The following ZNF550 variants were observed in gnomAD, a reference collection of about 807,000 sequenced individuals.
ZNF550 encodes the protein zinc finger protein 550.
ZNF550 carries 42 observed loss-of-function variants against 40.2 expected under a neutral mutation model. The ratio of observed to expected loss-of-function variants is 1.05; its 90% CI spans 0.82 to 1.35. The LOEUF is 1.35. ZNF550 is among the 40% of genes most tolerant of loss of function. The pLI is 0.00. For missense variants in ZNF550, 549 were observed against 525.2 expected, an observed-to-expected ratio of 1.05 and a Z score of -0.44; for synonymous variants, 223 against 198.6, an observed-to-expected ratio of 1.12 and a Z score of -1.03.
exon 2 of ZNF550, chr19:57,556,301 C>G (rs2090120547): frequency 1.2e-6 from 2 of 1,614,038 alleles, no homozygotes; most frequent in African/African-American, 2.7e-5. Flanking sequence ...CCAGGTCCAG[C>G]TGTCTCCACT....
At chr19:57,547,054 A>G in exon 4 of ZNF550, 1 of 1,580,176 alleles carries the variant, frequency 6.3e-7, no homozygotes, top group South Asian at 1.2e-5. Context: ...CTTGTAGGGC[A>G]TCTCCCCAGT....
intron 4 of ZNF550, chr19:57,546,335 A>C (rs1437729198): frequency 4.1e-6 from 1 of 241,226 alleles, no homozygotes; most frequent in Non-Finnish European, 6.7e-6. Flanking sequence ...AAAGGATGGC[A>C]GTGAATGTAT....
At chr19:57,558,080 A>G (rs2090138135) in intron 1 of ZNF550, among the ~76,000 whole-genome samples, 1 of 152,198 alleles carries the variant, frequency 6.6e-6, no homozygotes, top group African/African-American at 2.4e-5. Flanking sequence ...ACAGCCTCAC[A>G]TTTAAAAAGC....
At chr19:57,552,431 G>T in intron 3 of ZNF550, 196 bp downstream of exon 3, 1 of 518,028 alleles carries the variant, frequency 1.9e-6, no homozygotes, top group Non-Finnish European at 3.4e-6. Flanking sequence ...CACAGCAAAA[G>T]GTACCTGTGT....
exon 5 of ZNF550, chr19:57,542,519 G>C (rs1175948661): frequency 6.6e-6 from 1 of 151,800 alleles, no homozygotes; most frequent in Non-Finnish European, 1.5e-5. Flanking sequence ...ATATTACATG[G>C]CAGTTAAAAA....
At chr19:57,552,787 G>T in intron 2 of ZNF550, 65 bp from the exon 3 acceptor site, 1 of 1,242,534 alleles carries the variant, frequency 8.0e-7, no homozygotes, top group Non-Finnish European at 1.1e-6. Context: ...TCTCCATCTT[G>T]CCTAGGACTT....
At chr19:57,547,491 G>A in exon 4 of ZNF550, 1 of 1,613,918 alleles carries the variant, frequency 6.2e-7, no homozygotes, top group Non-Finnish European at 8.5e-7. Flanking sequence ...CGGTGTGGAT[G>A]AGGTAGTGCC....
rs377538625 is a variant in ZNF550, at chr19:57,544,034, A to T, written c.*519-791T>A. On this transcript the variant is annotated intron_variant, in intron 4 of 4. Coordinates refer to ENST00000457177, the Ensembl canonical transcript of ZNF550. ...TACTGTAAGTTCAAAACTTCTACTG[A>T]CTTAAAAACGGGTGCTAAACAAGTT... The T allele has an allele frequency of 8.1e-6, 8 of 985,440 alleles. No homozygotes were observed. In the African/African-American group the frequency reaches 1.4e-4, roughly 17 times the overall value. The allele number at this position is 985,440 out of a possible 1,614,324, so 61.0% of individuals were successfully genotyped here.
chr19:57,544,033 G>GACTT, intron 4 of ZNF550: 1 of 985,432 alleles, frequency 1.0e-6, no homozygotes. Flanking sequence ...AACTTCTACT[G>GACTT]ACTTAAAAAC....
At chr19:57,552,774 G>C in intron 2 of ZNF550, 52 bp from the exon 3 acceptor site, 20 of 1,363,726 alleles carry the variant, frequency 1.5e-5, no homozygotes, top group Non-Finnish European at 2.0e-5. Flanking sequence ...GAAAATGAAA[G>C]TCTCTCCATC....
chr19:57,545,442 G>A (rs1225571683), intron 4 of ZNF550, among the ~76,000 whole-genome samples: 1 of 152,106 alleles, frequency 6.6e-6, no homozygotes, highest in Non-Finnish European at 1.5e-5. Flanking sequence ...CTCTACACAG[G>A]ATTAAAGAAT....
chr19:57,548,008 C>T lies in ZNF550; in HGVS notation c.251-15G>A. On this transcript the variant is annotated splice_polypyrimidine_tract_variant and intron_variant, in intron 3 of 4. Coordinates refer to ENST00000457177, the Ensembl canonical transcript of ZNF550. ...TGCTCTGTCACCTGAAGGGCATCAACAAACAAAGGAGGGGTCTTTTAGTGA... is the reference window on the plus strand; with the variant it reads ...TGCTCTGTCACCTGAAGGGCATCAATAAACAAAGGAGGGGTCTTTTAGTGA... The T allele has an allele frequency of 1.2e-6, 2 of 1,602,410 alleles. No individual in the cohort carries two copies. Among genetic ancestry groups the T allele is most frequent in the South Asian group, 1.1e-5 (1 of 90,554 alleles).
chr19:57,560,819 G>A (rs866396996), upstream of ZNF550, among the ~76,000 whole-genome samples: 1 of 152,164 alleles, frequency 6.6e-6, no homozygotes, highest in African/African-American at 2.4e-5. Flanking sequence ...AGCGTCATGG[G>A]ACAGCCTAGC....
chr19:57,544,561 G>T, intron 4 of ZNF550: 2 of 985,302 alleles, frequency 2.0e-6, no homozygotes, highest in South Asian at 9.4e-5. Flanking sequence ...CTTCCCACAG[G>T]AGAGGAAACT....
chr19:57,553,265 G>A (rs1312044260), intron 2 of ZNF550: 3 of 152,434 alleles, frequency 2.0e-5, no homozygotes, highest in Non-Finnish European at 2.9e-5. Flanking sequence ...TCCCACTGTT[G>A]GGCTACAACT....
At chr19:57,544,254 T>G (rs2123332223) in intron 4 of ZNF550, 1 of 985,412 alleles carries the variant, frequency 1.0e-6, no homozygotes, top group South Asian at 4.7e-5. Context: ...AGCAGCAAGT[T>G]CATAGTAGAT....
exon 4 of ZNF550, chr19:57,547,165 T>C (rs747711957): frequency 6.2e-7 from 1 of 1,611,210 alleles, no homozygotes; most frequent in Non-Finnish European, 8.5e-7. Flanking sequence ...CCGCTGGTGC[T>C]GTATGAGTTC....
At chr19:57,546,346 G>GT (rs932536935) in intron 4 of ZNF550, 4 of 297,696 alleles carry the variant, frequency 1.3e-5, no homozygotes, top group Admixed American at 6.8e-5. Flanking sequence ...GTGAATGTAT[G>GT]TTAAAAAAAA....
intron 1 of ZNF550, 115 bp downstream of exon 1, chr19:57,559,541 T>C: frequency 9.3e-7 from 1 of 1,079,200 alleles, no homozygotes; most frequent in Non-Finnish European, 1.2e-6. Flanking sequence ...TCTAGGCCTC[T>C]AAGAAGCAAC....
Sources: allele counts gnomAD v4.1 joint callset (sites outside exome capture counted in the v4.1 genomes callset), GRCh38; gene constraint gnomAD v4.1.1; transcripts MANE v1.5; gene names NCBI Gene and HGNC (gene_info 2026-07-23, HGNC 2026-07-21).